CPSF1: variants seen among roughly 807,000 people sequenced by gnomAD.
The protein encoded by CPSF1 is cleavage and polyadenylation specificity factor subunit 1.
A neutral mutation model predicts 175.8 loss-of-function variants in CPSF1; 106 were observed. The observed-to-expected ratio is 0.60, with a 90% CI of 0.52 to 0.71. CPSF1 has a LOEUF of 0.71. Ranked by LOEUF, CPSF1 falls within the 30% of genes least tolerant of loss-of-function variation. The pLI is 0.00. For synonymous variants in CPSF1, 1,024 were observed against 858.3 expected (o/e 1.19, Z -3.37); for missense variants, 1,734 against 2,022.9 (o/e 0.86, Z 2.74).
Position 144,397,487 on chromosome 8 carries a change from C to T in CPSF1, c.2385G>A (p.Glu795=). Residue 795 remains glutamate (E), a splice_region_variant and synonymous_variant, in exon 22 of 38, where the codon GAG becomes GAA. Transcript: ENST00000616140. ...CLLVRENGTM[E]IYQLPDWRLV... Reference sequence around the variant, plus strand: ...GGCCACAGTGCAGGGCACCACCTACCTCCATGGTGCCATTCTCCCGCACCA... The same window carrying T: ...GGCCACAGTGCAGGGCACCACCTACTTCCATGGTGCCATTCTCCCGCACCA... The T allele has an allele frequency of 1.3e-6, 2 of 1,596,782 alleles. No homozygotes were observed. Among genetic ancestry groups the T allele is most frequent in the Non-Finnish European group, 8.6e-7 (1 of 1,168,096 alleles).
chr8:144,409,241 C>A (rs1821665543), intron 1 of CPSF1, 48 bp downstream of exon 1: 1 of 1,241,380 alleles, frequency 8.1e-7, no homozygotes, highest in East Asian at 3.1e-5. Flanking sequence ...GCACCGCGCC[C>A]CTCCCCGGCC....
chr8:144,393,675 G>A lies in CPSF1; in HGVS notation c.4137C>T (p.Arg1379=), dbSNP rs782387415. Residue 1379 remains arginine (R), a synonymous_variant, in exon 36 of 38, where the codon CGC becomes CGT. Coordinates refer to ENST00000616140, the MANE Select transcript of CPSF1 (RefSeq NM_013291.3). ...MLPHHAGLNP[R]AFRMLHVDRR... ...GCGGGGCCGGGGCTCACCGGAAGGC[G>A]CGGGGGTTGAGGCCGGCGTGGTGTG... The A allele has an allele frequency of 7.7e-6, 12 of 1,563,766 alleles. No homozygotes were observed. Among genetic ancestry groups the A allele is most frequent in the East Asian group, 2.3e-5 (1 of 43,174 alleles).
In CPSF1 at chr8:144,397,359, C is replaced by T. The variant is rs1554864340; in HGVS notation, c.2440G>A (p.Gly814Arg). 1 of 1,565,408 alleles carries T rather than the reference C, an allele frequency of 6.4e-7. No homozygotes were observed. The highest frequency in any genetic ancestry group is 8.7e-7 in the Non-Finnish European group (1 of 1,155,464). The change falls in exon 23 of 38, where the codon GGG (glycine) becomes AGG (arginine). Residue 814 changes from glycine (G) to arginine (R), a missense_variant. Coordinates refer to ENST00000616140, the MANE Select transcript of CPSF1 (RefSeq NM_013291.3). ...LVFLVKNFPV[G>R]QRVLVDSSFG... ...GAGCTGTCCACAAGGACCCGCTGCC[C>T]CACAGGGAAGTTCTTCACCAGGAAC...
chr8:144,407,183 GC>G, intron 2 of CPSF1, among the ~76,000 whole-genome samples: 1 of 150,414 alleles, frequency 6.6e-6, no homozygotes, highest in East Asian at 1.9e-4. Flanking sequence ...CTCCCAAAGC[GC>G]TAAGATGATA....
Position 144,397,483 on chromosome 8 carries a change from C to T in CPSF1, c.2385+4G>A, listed in dbSNP as rs782282473. ...GCTGGGCCACAGTGCAGGGCACCACCTACCTCCATGGTGCCATTCTCCCGC... is the reference window on the plus strand; with the variant it reads ...GCTGGGCCACAGTGCAGGGCACCACTTACCTCCATGGTGCCATTCTCCCGC... On this transcript the variant is annotated splice_donor_region_variant and intron_variant, in intron 22 of 37. Coordinates refer to ENST00000616140, the MANE Select transcript of CPSF1 (RefSeq NM_013291.3). 11 of 1,598,086 alleles carry T rather than the reference C, an allele frequency of 6.9e-6. No homozygotes were observed. The highest frequency in any genetic ancestry group is 1.3e-5 in the African/African-American group (1 of 74,714).
chr8:144,393,340 T>A lies in CPSF1; in HGVS notation c.4310A>T (p.Asp1437Val). ...DIILDDLLETDRVTAHF is the reference protein window; with the variant it reads ...DIILDDLLETVRVTAHF Reference sequence around the variant, plus strand: ...GGGCTAGAAGTGGGCGGTGACGCGGTCCGTCTCCAGCAAGTCGTCCAGGAT... The same window carrying A: ...GGGCTAGAAGTGGGCGGTGACGCGGACCGTCTCCAGCAAGTCGTCCAGGAT... Residue 1437 changes from aspartate to valine, a missense_variant, in exon 38 of 38, where the codon GAC becomes GTC. Transcript: ENST00000616140. 1 of 1,476,490 alleles carries A rather than the reference T, an allele frequency of 6.8e-7. No homozygotes were observed. The highest frequency in any genetic ancestry group is 9.0e-7 in the Non-Finnish European group (1 of 1,106,916). The allele number at this position is 1,476,490 out of a possible 1,614,324, so 91.5% of individuals were successfully genotyped here.
rs2116858205 is a variant in CPSF1, at chr8:144,399,079, C to A, written c.1468-41G>T. 1.9e-6 allele frequency: 3 copies of A among 1,546,856 alleles called. No individual in the cohort carries two copies. The highest frequency in any genetic ancestry group is 2.0e-5 in the Admixed American group (1 of 51,082). The stretch of plus-strand genomic sequence containing the variant: ...GGGTGAGGACTATGCCCCCCACCCC[C>A]CCTCACACTCCAGCCCCTGCCCCCA... On this transcript the variant is annotated intron_variant, in intron 15 of 37. Transcript: ENST00000616140. This position sits in a 1 kb window ranked among gnomAD's most constrained non-coding sequence, Gnocchi z 6.4.
chr8:144,398,380 T>C lies in CPSF1; in HGVS notation c.1816A>G (p.Thr606Ala). Reference sequence around the variant, plus strand: ...TCCCCGATGTTCCCAGCAAAGACCGTGGGGCCCTGAGTGGCGAAGCCACTG... The same window carrying C: ...TCCCCGATGTTCCCAGCAAAGACCGCGGGGCCCTGAGTGGCGAAGCCACTG... ...DTSGFATQGP[T>A]VFAGNIGDNR... Residue 606 changes from threonine to alanine, a missense_variant, in exon 19 of 38, where the codon ACG (threonine) becomes GCG (alanine). Physicochemically the swap from Thr to Ala is moderately conservative, Grantham distance 58 (BLOSUM62 0). Coordinates refer to ENST00000616140, the MANE Select transcript of CPSF1 (RefSeq NM_013291.3). The C allele has an allele frequency of 1.9e-6, 3 of 1,612,012 alleles. No homozygotes were observed. The highest frequency in any genetic ancestry group is 1.7e-6 in the Non-Finnish European group (2 of 1,179,328).
In CPSF1 at chr8:144,393,744, G is replaced by A. The variant is rs1554862340; in HGVS notation, c.4068C>T (p.Tyr1356=). The A allele has an allele frequency of 2.5e-6, 4 of 1,582,962 alleles. No individual in the cohort carries two copies. Among genetic ancestry groups the A allele is most frequent in the East Asian group, 4.5e-5 (2 of 44,032 alleles). Residue 1356 remains tyrosine, a synonymous_variant, in exon 36 of 38, where the codon TAC becomes TAT. Transcript: ENST00000616140. ...CGTTCTGCAGCATCAGCAGCCGCCGGTAGGTCTTCTCCTGCATGGGCAGCA... is the reference window on the plus strand; with the variant it reads ...CGTTCTGCAGCATCAGCAGCCGCCGATAGGTCTTCTCCTGCATGGGCAGCA... The part of the protein sequence containing the change: ...GLLLPMQEKT[Y]RRLLMLQNAL...
rs782711703 is a variant in CPSF1 at position 144,398,113 on chromosome 8, G to C, written c.1914C>G (p.Ile638Met). ...CGATGGGGGCGCCCAGGTCCACGGG[G>C]ATGAAGTGCAGCTGATTCACTGTAG... is the stretch of plus-strand genomic sequence containing the variant. The part of the protein sequence containing the change: ...LLEGVNQLHF[I>M]PVDLGAPIVQ... The change falls in exon 20 of 38, where the codon ATC becomes ATG. Residue 638 changes from isoleucine (I) to methionine (M), a missense_variant. This residue lies in a region of CPSF1 where 280 missense variants were observed against 349.2 expected (regional missense o/e 0.80). Coordinates refer to ENST00000616140, the MANE Select transcript of CPSF1 (RefSeq NM_013291.3). 4.4e-6 allele frequency: 7 copies of C among 1,602,740 alleles called. No homozygotes were observed. Among genetic ancestry groups the C allele is most frequent in the Non-Finnish European group, 6.0e-6 (7 of 1,173,934 alleles).
rs1564682667 is a variant in CPSF1 at position 144,393,958 on chromosome 8, T to C, written c.3940A>G (p.Thr1314Ala). ...VGAHVNTFWR[T>A]PCRGATEGLS... ...CCTTCAGTGGCCCCCCGGCACGGGG[T>C]CCTCCAGAACGTGTTCACGTGGGCA... Residue 1314 changes from threonine to alanine, a missense_variant, in exon 35 of 38, where the codon ACC becomes GCC. By Grantham distance (58) the Thr-to-Ala change is moderately conservative. Transcript: ENST00000616140. 1 of 1,613,266 alleles carries C rather than the reference T, an allele frequency of 6.2e-7. No individual in the cohort carries two copies. Among genetic ancestry groups the C allele is most frequent in the South Asian group, 1.1e-5 (1 of 91,066 alleles).
chr8:144,400,135 G>GGGCCCCCCCCCCCCC, intron 9 of CPSF1, 31 bp downstream of exon 9: 117 of 895,756 alleles, frequency 1.3e-4, no homozygotes, highest in Non-Finnish European at 1.7e-4. Context: ...CCGTCCCCGG[G>GGGCCCCCCCCCCCCC]CCCCCCCCGC....
intron 19 of CPSF1, 27 bp from the exon 20 acceptor site, chr8:144,398,159 G>C: frequency 2.0e-6 from 2 of 983,634 alleles, no homozygotes; most frequent in Non-Finnish European, 2.7e-6. Flanking sequence ...GTCAGCATGC[G>C]CCTCCCCACC....
intron 2 of CPSF1, among the ~76,000 whole-genome samples, chr8:144,403,098 ATTTT>A (rs1231766653): frequency 1.4e-5 from 2 of 143,718 alleles, no homozygotes. Context: ...TAGGAGGAAA[ATTTT>A]TTTTTTTTTT....
chr8:144,403,993 T>A (rs2116896607), intron 2 of CPSF1, among the ~76,000 whole-genome samples: 3 of 151,246 alleles, frequency 2.0e-5, no homozygotes, highest in Middle Eastern at 3.4e-3. Flanking sequence ...GGTGGGTGGA[T>A]CACCTGAGGT....
chr8:144,409,202 C>G lies in CPSF1; in HGVS notation c.-14-30G>C, dbSNP rs2116913727. 6.6e-6 allele frequency: 10 copies of G among 1,508,862 alleles called. No homozygotes were observed. The East Asian group carries it at 1.0e-4, about 16-fold the overall frequency. 93.5% of individuals were successfully genotyped at this position (1,508,862 alleles called of 1,614,324 possible). A position where few individuals can be genotyped will look rare whatever the true frequency, so the allele number is the denominator to read the frequency against. ...GCAAGGCCGGGAGAGGAAGGGTGAGCGGGGTCGCCCACGCAGGAGCCCGGC... is the reference window on the plus strand; with the variant it reads ...GCAAGGCCGGGAGAGGAAGGGTGAGGGGGGTCGCCCACGCAGGAGCCCGGC... On this transcript the variant is annotated intron_variant, in intron 1 of 37. Transcript: ENST00000616140.
intron 2 of CPSF1, among the ~76,000 whole-genome samples, chr8:144,406,599 A>G (rs1326251242): frequency 6.6e-6 from 1 of 152,094 alleles, no homozygotes; most frequent in Non-Finnish European, 1.5e-5. Flanking sequence ...CAGGCTGAAG[A>G]CTCTGACTTG....
chr8:144,396,294 GC>G, intron 26 of CPSF1, 53 bp downstream of exon 26: 2 of 1,526,262 alleles, frequency 1.3e-6, no homozygotes, highest in Non-Finnish European at 1.8e-6. Flanking sequence ...CTCCCCCTCA[GC>G]CCCCAGCTGG....
At position 144,396,753 on chromosome 8, in the gene CPSF1, C is replaced by A; in HGVS notation, c.2683-12G>T. On this transcript the variant is annotated splice_polypyrimidine_tract_variant and intron_variant, in intron 24 of 37. Coordinates refer to ENST00000616140, the MANE Select transcript of CPSF1 (RefSeq NM_013291.3). The stretch of plus-strand genomic sequence containing the variant: ...ATGTTGTGAGGGACCTGGGGGGGAA[C>A]CATGCAGGTCCTCCAGGGGCTGCCG... 1 of 1,613,646 alleles carries A rather than the reference C, an allele frequency of 6.2e-7. No homozygotes were observed. Among genetic ancestry groups the A allele is most frequent in the South Asian group, 1.1e-5 (1 of 91,064 alleles).
Sources: gnomAD v4.1 joint callset for allele counts (sites outside exome capture counted in the v4.1 genomes callset) on GRCh38, gnomAD v4.1.1 for gene constraint, gnomAD v4.1.1 regional missense constraint, Gnocchi (gnomAD v3.1) non-coding constraint, MANE v1.5 for transcripts, NCBI Gene and HGNC (gene_info 2026-07-23, HGNC 2026-07-21) for gene names.